The following SEZ6 variants were observed in gnomAD, a reference collection of about 807,000 sequenced individuals.
SEZ6 encodes the protein seizure protein 6 homolog.
A neutral mutation model predicts 101.0 loss-of-function variants in SEZ6; 53 were observed. That is an observed-to-expected ratio of 0.52 (90% CI 0.42 to 0.66). The LOEUF is 0.66. Ranked by LOEUF, SEZ6 falls within the 30% of genes least tolerant of loss-of-function variation. SEZ6 has a pLI of 0.00. For missense variants in SEZ6, 1,102 were observed against 1,289.4 expected (o/e 0.85, Z 2.23); for synonymous variants, 488 against 512.2 (o/e 0.95, Z 0.64).
chr17:28,957,064 G>T lies in SEZ6; in HGVS notation c.2673C>A (p.Pro891=). ...VPGHPSHWSD[P]PPICRAASLD... ...ACTCACCAGCCCTACAGATGGGTGGGGGGTCACTCCAATGCGAGGGGTGCC... is the reference window on the plus strand; with the variant it reads ...ACTCACCAGCCCTACAGATGGGTGGTGGGTCACTCCAATGCGAGGGGTGCC... The change falls in exon 13 of 17, where the codon CCC becomes CCA. Residue 891 remains proline, a synonymous_variant. Coordinates refer to ENST00000317338, the MANE Select transcript of SEZ6 (RefSeq NM_178860.5). 1 of 1,600,002 alleles carries T rather than the reference G, an allele frequency of 6.2e-7. No homozygotes were observed.
At chr17:28,957,687 C>A in intron 11 of SEZ6, 148 bp from the exon 12 acceptor site, 1 of 950,590 alleles carries the variant, frequency 1.1e-6, no homozygotes, top group Non-Finnish European at 1.5e-6. Context: ...GCTAGTGTGT[C>A]CCCCCATTTG....
At chr17:28,978,780 G>A (rs1017590282) in intron 3 of SEZ6, among the ~76,000 whole-genome samples, 2 of 152,162 alleles carry the variant, frequency 1.3e-5, no homozygotes, top group African/African-American at 4.8e-5. Context: ...TAGGGAGCAA[G>A]TGTGGGCGGG....
intron 11 of SEZ6, 82 bp downstream of exon 11, chr17:28,957,865 C>T (rs781759182): frequency 2.3e-5 from 34 of 1,457,222 alleles, no homozygotes; most frequent in Middle Eastern, 1.8e-4. Context: ...TAGCTAATAA[C>T]AGCTACAGTC....
At position 28,959,968 on chromosome 17, in the gene SEZ6, C is replaced by T; in HGVS notation, c.1577-76G>A. 1 of 1,450,942 alleles carries T rather than the reference C, an allele frequency of 6.9e-7. No homozygotes were observed. Among genetic ancestry groups the T allele is most frequent in the Non-Finnish European group, 9.3e-7 (1 of 1,070,164 alleles). 89.9% of individuals were successfully genotyped at this position (1,450,942 alleles called of 1,614,324 possible). Reference sequence around the variant, plus strand: ...AGTGGGCAAGCATCCCCCTACTTCCCTCCCCAGAGCCTTTCTTTTCCTGGG... The same window carrying T: ...AGTGGGCAAGCATCCCCCTACTTCCTTCCCCAGAGCCTTTCTTTTCCTGGG... On this transcript the variant is annotated intron_variant, in intron 7 of 16. Coordinates refer to ENST00000317338, the MANE Select transcript of SEZ6 (RefSeq NM_178860.5). This position sits in a 1 kb window ranked among gnomAD's most constrained non-coding sequence, Gnocchi z 4.4.
intron 1 of SEZ6, among the ~76,000 whole-genome samples, chr17:28,983,550 T>A (rs1474052476): frequency 6.6e-6 from 1 of 152,138 alleles, no homozygotes; most frequent in Non-Finnish European, 1.5e-5. Context: ...TGCTCTGCTA[T>A]TGATTGTGTT....
chr17:28,999,705 G>A (rs2041589826), intron 1 of SEZ6, among the ~76,000 whole-genome samples: 2 of 152,178 alleles, frequency 1.3e-5, no homozygotes, highest in South Asian at 2.1e-4. Context: ...TCCCACCTGG[G>A]GGCTGGGCCT....
In SEZ6 at chr17:28,969,839, G is replaced by C; in HGVS notation, c.972C>G (p.Arg324=). The change falls in exon 4 of 17, where the codon CGC becomes CGG. Residue 324 remains arginine (R), a synonymous_variant. Coordinates refer to ENST00000317338, the MANE Select transcript of SEZ6 (RefSeq NM_178860.5). ...QSFLLRGQVI[R]SPTHQAALRF... is the part of the protein sequence containing the mutation. ...TCAGGGCCGCTTGGTGGGTGGGGCT[G>C]CGGATGACTTGGCCCCGCAGCAGGA... is the stretch of plus-strand genomic sequence containing the variant. 1 of 1,532,036 alleles carries C rather than the reference G, an allele frequency of 6.5e-7. No homozygotes were observed. Among genetic ancestry groups the C allele is most frequent in the Non-Finnish European group, 8.7e-7 (1 of 1,150,004 alleles). The allele number at this position is 1,532,036 out of a possible 1,614,324, so 94.9% of individuals were successfully genotyped here.
At chr17:28,981,143 G>T (rs2041294713) in intron 2 of SEZ6, among the ~76,000 whole-genome samples, 1 of 152,078 alleles carries the variant, frequency 6.6e-6, no homozygotes. Flanking sequence ...TGATCCACTG[G>T]CCTCTGCCTC....
At position 28,960,910 on chromosome 17, in the gene SEZ6, C is replaced by A; in HGVS notation, c.1304G>T (p.Gly435Val). 6.2e-7 allele frequency: 1 copy of A among 1,613,916 alleles called. No individual in the cohort carries two copies. The highest frequency in any genetic ancestry group is 8.5e-7 in the Non-Finnish European group (1 of 1,179,846). The change falls in exon 6 of 17, where the codon GGC becomes GTC. Residue 435 changes from glycine to valine, a missense_variant. By Grantham distance (109) the Gly-to-Val change is moderately radical (BLOSUM62 -3). Around this residue, in one of 3 missense-constraint regions of SEZ6, gnomAD observed 556 missense variants for 735.1 expected, o/e 0.76. Transcript: ENST00000317338. ...ACAGGTGAGGTTGTTGCTGTAGTTG[C>A]CCGGGAAGCCTGGAGAGACGATGCG... ...TGRIVSPGFP[G>V]NYSNNLTCHW... is the part of the protein sequence containing the mutation.
chr17:28,981,772 G>A lies in SEZ6; in HGVS notation c.323C>T (p.Pro108Leu), dbSNP rs2041309648. The A allele has an allele frequency of 6.2e-7, 1 of 1,612,394 alleles. No individual in the cohort carries two copies. The highest frequency in any genetic ancestry group is 8.5e-7 in the Non-Finnish European group (1 of 1,178,730). ...GCGGCTGTCCTGGTTGGCCAGGCGG[G>A]GAAGGGGACTTGGGGTGAAGGGTGC... ...PPAPFTPSPL[P>L]RLANQDSRPV... is the part of the protein sequence containing the mutation. Residue 108 changes from proline to leucine, a missense_variant, in exon 2 of 17, where the codon CCC becomes CTC. Coordinates refer to ENST00000317338, the MANE Select transcript of SEZ6 (RefSeq NM_178860.5).
intron 4 of SEZ6, among the ~76,000 whole-genome samples, chr17:28,965,726 A>G (rs143193349): frequency 6.6e-6 from 1 of 152,320 alleles, no homozygotes; most frequent in Non-Finnish European, 1.5e-5. Flanking sequence ...GGAAAGAACA[A>G]GTTGCCCTGG....
In SEZ6 at chr17:28,980,521, C is replaced by A. The variant is rs533774019; in HGVS notation, c.725-708G>T. The stretch of plus-strand genomic sequence containing the variant: ...AGTAGCTGGGACTACGGGCACCCCC[C>A]ACTACGCCCGGCTAATTTTTTGTAT... On this transcript the variant is annotated intron_variant, in intron 2 of 16. Coordinates refer to ENST00000317338, the MANE Select transcript of SEZ6 (RefSeq NM_178860.5). 9.9e-5 allele frequency among the ~76,000 whole-genome samples: 15 copies of A among 152,020 alleles called. No homozygotes were observed. In the South Asian group the frequency reaches 1.2e-3, roughly 13 times the overall value.
Position 28,964,117 on chromosome 17 carries a change from C to T in SEZ6, c.1085G>A (p.Arg362His), listed in dbSNP as rs540886372. ...GACAGTCACATCTCCATAAGCTGGA[C>T]GACGGGGAAAGTGGCAGCTCAGGAG... The part of the protein sequence containing the change: ...AYLLSCHFPR[R>H]PAYGDVTVTS... Residue 362 changes from arginine (R) to histidine (H), a missense_variant, in exon 5 of 17, where the codon CGT (arginine) becomes CAT (histidine). Transcript: ENST00000317338. 211 of 1,599,158 alleles carry T rather than the reference C, an allele frequency of 1.3e-4. 1 individual carries two copies. In the South Asian group the frequency reaches 1.7e-3, roughly 13 times the overall value.
chr17:28,958,049 C>T lies in SEZ6; in HGVS notation c.2200G>A (p.Val734Ile), dbSNP rs112723355. ...TAGCCAGGGTAGCACTGGTAAGTGA[C>T]CACGGTGCCGTGCACTAGCTCAGGC... Reference protein sequence around the residue: ...SQPELVHGTVVTYQCYPGYQV... With the variant: ...SQPELVHGTVITYQCYPGYQV... The change falls in exon 11 of 17, where the codon GTC becomes ATC. Residue 734 changes from valine to isoleucine, a missense_variant. Val to Ile is a conservative substitution (Grantham distance 29). Coordinates refer to ENST00000317338, the MANE Select transcript of SEZ6 (RefSeq NM_178860.5). The T allele has an allele frequency of 6.2e-7, 1 of 1,613,842 alleles. No homozygotes were observed. The highest frequency in any genetic ancestry group is 8.5e-7 in the Non-Finnish European group (1 of 1,179,758).
At chr17:28,963,169 A>G (rs1290802792) in intron 5 of SEZ6, among the ~76,000 whole-genome samples, 9 of 151,800 alleles carry the variant, frequency 5.9e-5, no homozygotes, top group Non-Finnish European at 4.4e-5. Flanking sequence ...TCATACTGCA[A>G]ACCAAACACT....
At chr17:28,978,178 C>T (rs926422874) in intron 3 of SEZ6, among the ~76,000 whole-genome samples, 1 of 152,206 alleles carries the variant, frequency 6.6e-6, no homozygotes, top group African/African-American at 2.4e-5. Flanking sequence ...AGGCAGGGAG[C>T]AGGGAGCAGG....
chr17:28,989,444 T>G (rs2041427739), intron 1 of SEZ6, among the ~76,000 whole-genome samples: 1 of 152,206 alleles, frequency 6.6e-6, no homozygotes, highest in Non-Finnish European at 1.5e-5. Context: ...TAATGCAGTC[T>G]GATTCAAACC....
chr17:28,997,258 G>A (rs994171615), intron 1 of SEZ6, among the ~76,000 whole-genome samples: 3 of 152,116 alleles, frequency 2.0e-5, no homozygotes, highest in African/African-American at 2.4e-5. Context: ...ACCTTTGCCC[G>A]GAGATGCCCC....
intron 1 of SEZ6, among the ~76,000 whole-genome samples, chr17:28,998,049 A>G (rs1403545286): frequency 6.6e-6 from 1 of 151,298 alleles, no homozygotes; most frequent in African/African-American, 2.4e-5. Context: ...CTGGGGGACA[A>G]AGGAGTTGGC....
Sources: allele counts gnomAD v4.1 joint callset (sites outside exome capture counted in the v4.1 genomes callset), GRCh38; gene constraint gnomAD v4.1.1; regional missense constraint gnomAD v4.1.1; non-coding constraint Gnocchi (gnomAD v3.1); transcripts MANE v1.5; gene names NCBI Gene and HGNC (gene_info 2026-07-23, HGNC 2026-07-21).